The following EPHA6 variants were observed in gnomAD, a reference collection of about 807,000 sequenced individuals.
The protein encoded by EPHA6 is ephrin type-A receptor 6.
In EPHA6, 50 loss-of-function variants were observed where a neutral mutation model predicts 112.0. That is an observed-to-expected ratio of 0.45 (90% confidence interval 0.36 to 0.56). EPHA6 has a LOEUF of 0.56. Among genes scored for constraint, EPHA6 ranks in the 20% least tolerant of loss-of-function variants. The pLI, the probability that EPHA6 is intolerant of heterozygous loss-of-function variation, is 0.00. For synonymous variants in EPHA6, 529 were observed against 490.7 expected, an observed-to-expected ratio of 1.08 and a Z score of -1.03; for missense variants, 1,280 against 1,417.4, an observed-to-expected ratio of 0.90 and a Z score of 1.56.
intron 5 of EPHA6, among the ~76,000 whole-genome samples, chr3:97,356,835 AC>A (rs1399033469): frequency 2.6e-5 from 4 of 152,100 alleles, no homozygotes; most frequent in African/African-American, 9.7e-5. Flanking sequence ...CTATGTCCTT[AC>A]TTGCCTTTGG....
At chr3:96,860,790 A>T (rs1160515995) in intron 1 of EPHA6, among the ~76,000 whole-genome samples, 2 of 152,088 alleles carry the variant, frequency 1.3e-5, no homozygotes, top group African/African-American at 4.8e-5. Context: ...ATCCCTGAGT[A>T]ATTGAGACAA....
chr3:97,726,718 A>T (rs1322179691), intron 15 of EPHA6, among the ~76,000 whole-genome samples: 2 of 152,106 alleles, frequency 1.3e-5, no homozygotes, highest in Admixed American at 6.6e-5. Flanking sequence ...ATTATTTACT[A>T]CATAATGGAA....
At position 97,756,382 on chromosome 3, in the gene EPHA6, T is replaced by C. The variant is rs1018992280; in HGVS notation, c.*7681T>C. Among the ~76,000 whole-genome samples the C allele has an allele frequency of 3.9e-5, 6 of 151,962 alleles. No homozygotes were observed. Among genetic ancestry groups the C allele is most frequent in the Non-Finnish European group, 8.8e-5 (6 of 67,830 alleles). ...AAATTTAACTTGTTTAAATATCCAT[T>C]GGTATATTATCAAGAGCTATTACTG... On this transcript the variant is annotated 3_prime_UTR_variant, in exon 18 of 18. Transcript: ENST00000389672.
At chr3:96,959,019 A>G (rs79731576) in intron 2 of EPHA6, among the ~76,000 whole-genome samples, 4,281 of 152,282 alleles carry the variant, frequency 0.028, 198 homozygotes, top group African/African-American at 0.095. Context: ...TCTCTTGAGT[A>G]TATACCTAAG....
At chr3:97,701,935 A>C (rs1055696104) in intron 14 of EPHA6, among the ~76,000 whole-genome samples, 1 of 152,164 alleles carries the variant, frequency 6.6e-6, no homozygotes, top group African/African-American at 2.4e-5. Context: ...AGGTATCTAC[A>C]TTTCCATTTA....
intron 3 of EPHA6, chr3:97,009,951 T>C: frequency 1.8e-6 from 1 of 543,788 alleles, no homozygotes; most frequent in Admixed American, 2.4e-5. Context: ...CTGGTTACCT[T>C]GGTTGCCGTT....
chr3:96,896,034 T>C (rs1245735753), intron 2 of EPHA6, among the ~76,000 whole-genome samples: 1 of 152,190 alleles, frequency 6.6e-6, no homozygotes, highest in Admixed American at 6.5e-5. Flanking sequence ...TTATGATGTT[T>C]GCACAATGAT....
At chr3:97,181,174 A>G (rs985274118) in intron 3 of EPHA6, among the ~76,000 whole-genome samples, 1 of 152,128 alleles carries the variant, frequency 6.6e-6, no homozygotes, top group East Asian at 1.9e-4. Context: ...ACATTGTCTC[A>G]GAATTGCTAT....
At chr3:97,672,898 TCA>T (rs1390041965) in intron 14 of EPHA6, among the ~76,000 whole-genome samples, 1 of 152,200 alleles carries the variant, frequency 6.6e-6, no homozygotes, top group African/African-American at 2.4e-5. Context: ...TATTGAAATC[TCA>T]GTTTTGATTT....
intron 6 of EPHA6, among the ~76,000 whole-genome samples, chr3:97,435,836 C>T (rs1199246663): frequency 2.0e-5 from 3 of 152,096 alleles, no homozygotes; most frequent in Non-Finnish European, 4.4e-5. Flanking sequence ...TGCAGATTAA[C>T]ATAATGTTTC....
At chr3:97,690,996 C>T (rs2032628214) in intron 14 of EPHA6, among the ~76,000 whole-genome samples, 1 of 152,030 alleles carries the variant, frequency 6.6e-6, no homozygotes, top group Non-Finnish European at 1.5e-5. Context: ...GGTGTTGTGT[C>T]TAAGAAACAA....
chr3:97,085,868 G>A (rs181012329), intron 3 of EPHA6, among the ~76,000 whole-genome samples: 22 of 148,888 alleles, frequency 1.5e-4, no homozygotes, highest in Middle Eastern at 3.4e-3. Flanking sequence ...AAGTTCTCTC[G>A]TAGAAATTGA....
intron 1 of EPHA6, among the ~76,000 whole-genome samples, chr3:96,860,471 T>C (rs13070471): frequency 0.16 from 24,786 of 152,080 alleles, 2,660 homozygotes; most frequent in Non-Finnish European, 0.24. Context: ...TACAAGTAAG[T>C]AGTTATAATC....
At chr3:97,006,737 G>A (rs2043895678) in intron 3 of EPHA6, among the ~76,000 whole-genome samples, 1 of 152,036 alleles carries the variant, frequency 6.6e-6, no homozygotes, top group East Asian at 1.9e-4. Context: ...TCTGATGTGG[G>A]CATTTAGTGC....
intron 5 of EPHA6, among the ~76,000 whole-genome samples, chr3:97,335,991 C>T (rs953115382): frequency 1.3e-5 from 2 of 152,108 alleles, no homozygotes; most frequent in Admixed American, 1.3e-4. Flanking sequence ...GTGGTGCCAA[C>T]TGATCTATTG....
chr3:96,912,303 G>A (rs1484681940), intron 2 of EPHA6, among the ~76,000 whole-genome samples: 1 of 152,090 alleles, frequency 6.6e-6, no homozygotes, highest in Non-Finnish European at 1.5e-5. Flanking sequence ...AAAATGACTG[G>A]GGTGAACATT....
chr3:97,731,852 T>C (rs1432802139), intron 15 of EPHA6, among the ~76,000 whole-genome samples: 1 of 152,014 alleles, frequency 6.6e-6, no homozygotes, highest in Non-Finnish European at 1.5e-5. Flanking sequence ...CCTCTCTCTT[T>C]ACCAGCTGAC....
intron 3 of EPHA6, among the ~76,000 whole-genome samples, chr3:97,221,763 G>A (rs1447216646): frequency 2.0e-5 from 3 of 152,098 alleles, no homozygotes; most frequent in African/African-American, 2.4e-5. Context: ...TGGGTGCGGT[G>A]GCTCATGCCT....
intron 1 of EPHA6, among the ~76,000 whole-genome samples, chr3:96,842,961 G>T (rs369548580): frequency 5.7e-4 from 86 of 151,940 alleles, no homozygotes; most frequent in African/African-American, 2.0e-3. Flanking sequence ...TTTAAAATTT[G>T]GTACAGTCAG....
Sources: gnomAD v4.1 joint callset for allele counts (sites outside exome capture counted in the v4.1 genomes callset) on GRCh38, gnomAD v4.1.1 for gene constraint, MANE v1.5 for transcripts, NCBI Gene and HGNC (gene_info 2026-07-23, HGNC 2026-07-21) for gene names.